CNTNAP2: variants seen among roughly 807,000 people sequenced by gnomAD.
CNTNAP2 encodes the protein contactin-associated protein-like 2.
A neutral mutation model predicts 155.2 loss-of-function variants in CNTNAP2; 98 were observed. The observed-to-expected ratio is 0.63, with a 90% CI of 0.54 to 0.75. The LOEUF (loss-of-function observed/expected upper bound fraction) is 0.75. CNTNAP2 is among the 30% of genes least tolerant of loss of function. CNTNAP2 has a pLI of 0.00. For synonymous variants in CNTNAP2, 651 were observed against 631.2 expected, an observed-to-expected ratio of 1.03 and a Z score of -0.47; for missense variants, 1,727 against 1,688.1, an observed-to-expected ratio of 1.02 and a Z score of -0.40.
rs60024582 is a variant in CNTNAP2 at position 146,846,937 on chromosome 7, G to A, written c.402+7033G>A. On this transcript the variant is annotated intron_variant, in intron 3 of 23. Coordinates refer to ENST00000361727, the MANE Select transcript of CNTNAP2 (RefSeq NM_014141.6). ...TTCTTCTAATGTTTAAAGTATCCAT[G>A]AAACAAGATTTGTTATCAATTATAC... 2.0e-3 allele frequency among the ~76,000 whole-genome samples: 289 copies of A among 145,394 alleles called. 2 individuals are homozygous for A. Among genetic ancestry groups the A allele is most frequent in the African/African-American group, 7.9e-3 (280 of 35,306 alleles).
intron 3 of CNTNAP2, among the ~76,000 whole-genome samples, chr7:146,955,898 G>A (rs938715263): frequency 5.3e-5 from 8 of 152,008 alleles, no homozygotes; most frequent in African/African-American, 1.2e-4. Flanking sequence ...ATTACTTACC[G>A]CAGTAAACGG....
chr7:146,898,519 A>G (rs567288919), intron 3 of CNTNAP2, among the ~76,000 whole-genome samples: 1 of 151,496 alleles, frequency 6.6e-6, no homozygotes, highest in Non-Finnish European at 1.5e-5. Flanking sequence ...AAAAAAAAAA[A>G]CTCTTCTTAC....
rs930855364 is a variant in CNTNAP2 at position 147,376,641 on chromosome 7, C to T, written c.1499-18968C>T. ...GTTCTCTGTGCTTCAGAGTGTTATTCTATGCTCAATAATTTCACGTGTATT... is the reference window on the plus strand; with the variant it reads ...GTTCTCTGTGCTTCAGAGTGTTATTTTATGCTCAATAATTTCACGTGTATT... On this transcript the variant is annotated intron_variant, in intron 9 of 23. Transcript: ENST00000361727. 5.9e-5 allele frequency among the ~76,000 whole-genome samples: 9 copies of T among 151,794 alleles called. 1 individual carries two copies. The highest frequency in any genetic ancestry group is 3.3e-4 in the Admixed American group (5 of 15,192).
chr7:147,347,441 C>A (rs1281353911), intron 9 of CNTNAP2, among the ~76,000 whole-genome samples: 2 of 56,558 alleles, frequency 3.5e-5, no homozygotes, highest in African/African-American at 4.7e-5. Flanking sequence ...TATATATATG[C>A]ATATATATAT....
chr7:147,304,911 A>G (rs1346486498), intron 9 of CNTNAP2, among the ~76,000 whole-genome samples: 2 of 152,206 alleles, frequency 1.3e-5, no homozygotes, highest in Non-Finnish European at 2.9e-5. Flanking sequence ...CTGAGGGCAC[A>G]TAATGAGAAG....
At chr7:147,101,721 T>C (rs375189963) in intron 4 of CNTNAP2, among the ~76,000 whole-genome samples, 1 of 152,112 alleles carries the variant, frequency 6.6e-6, no homozygotes, top group Non-Finnish European at 1.5e-5. Context: ...GCCATTCTCC[T>C]ATCTGACTGT....
rs879657342 is a variant in CNTNAP2, at chr7:147,108,128, A to G, written c.551-19A>G. The G allele has an allele frequency of 7.6e-7, 1 of 1,313,498 alleles. No individual in the cohort carries two copies. The highest frequency in any genetic ancestry group is 1.0e-6 in the Non-Finnish European group (1 of 956,758). The allele number at this position is 1,313,498 out of a possible 1,614,324, so 81.4% of individuals were successfully genotyped here. A position where few individuals can be genotyped will look rare whatever the true frequency, so the allele number is the denominator to read the frequency against. On this transcript the variant is annotated intron_variant, in intron 4 of 23. Transcript: ENST00000361727. ...ACATACATGGCTGAACTAATATGTT[A>G]TTTTTTTTTTTGTTTTAGGGGCTGA... is the stretch of plus-strand genomic sequence containing the variant.
At chr7:148,039,411 T>A (rs1371537989) in intron 15 of CNTNAP2, among the ~76,000 whole-genome samples, 1 of 152,082 alleles carries the variant, frequency 6.6e-6, no homozygotes, top group African/African-American at 2.4e-5. Context: ...AGTCCACCAA[T>A]TCACACCCCA....
intron 21 of CNTNAP2, among the ~76,000 whole-genome samples, chr7:148,361,609 G>A (rs1391210970): frequency 6.6e-6 from 1 of 152,168 alleles, no homozygotes; most frequent in Non-Finnish European, 1.5e-5. Flanking sequence ...CTCCCTGTGT[G>A]TGTGTCTGCG....
intron 8 of CNTNAP2, among the ~76,000 whole-genome samples, chr7:147,286,671 G>A (rs1235645037): frequency 6.6e-6 from 1 of 152,102 alleles, no homozygotes; most frequent in Non-Finnish European, 1.5e-5. Context: ...ATATGAATGA[G>A]TTTTTCTTGG....
chr7:147,072,183 G>C (rs142523177), intron 4 of CNTNAP2, among the ~76,000 whole-genome samples: 58 of 152,206 alleles, frequency 3.8e-4, no homozygotes, highest in African/African-American at 1.3e-3. Context: ...GTAAACAAAA[G>C]AGCATAAACA....
intron 14 of CNTNAP2, among the ~76,000 whole-genome samples, chr7:147,921,060 C>T (rs1050007705): frequency 2.0e-5 from 3 of 152,022 alleles, no homozygotes; most frequent in Admixed American, 6.6e-5. Context: ...CTGCCCACCT[C>T]GGCCTCCCAA....
intron 21 of CNTNAP2, among the ~76,000 whole-genome samples, chr7:148,301,306 A>AAATATATAT: frequency 1.7e-4 from 18 of 103,854 alleles, no homozygotes; most frequent in African/African-American, 6.0e-4. Context: ...AAAAAAAAAA[A>AAATATATAT]ATATATATAT....
intron 14 of CNTNAP2, among the ~76,000 whole-genome samples, chr7:147,919,764 T>G (rs1177078628): frequency 6.6e-6 from 1 of 151,354 alleles, no homozygotes; most frequent in Admixed American, 6.6e-5. Context: ...AGCCTACATT[T>G]TCTATTTTTT....
intron 15 of CNTNAP2, among the ~76,000 whole-genome samples, chr7:148,082,651 G>A (rs950301525): frequency 9.2e-5 from 14 of 152,014 alleles, no homozygotes; most frequent in Non-Finnish European, 8.8e-5. Context: ...ACCAAGGAAA[G>A]GCCATTGGAT....
At position 147,043,094 on chromosome 7, in the gene CNTNAP2, T is replaced by C. The variant is rs531594209; in HGVS notation, c.403-813T>C. ...ATTATAACTTTATACTGACATTTTC[T>C]TTTTCATTAGATGGTAATTTTTTGA... On this transcript the variant is annotated intron_variant, in intron 3 of 23. Coordinates refer to ENST00000361727, the MANE Select transcript of CNTNAP2 (RefSeq NM_014141.6). Among the ~76,000 whole-genome samples, 4 of 152,232 alleles carry C rather than the reference T, an allele frequency of 2.6e-5. No homozygotes were observed. In the East Asian group the frequency reaches 5.8e-4, roughly 22 times the overall value.
intron 1 of CNTNAP2, among the ~76,000 whole-genome samples, chr7:146,502,301 A>G (rs891445525): frequency 7.1e-6 from 1 of 140,020 alleles, no homozygotes; most frequent in Non-Finnish European, 1.5e-5. Flanking sequence ...GTGTACATTT[A>G]GGTTGATTCT....
At chr7:147,923,504 G>A (rs1330834666) in intron 14 of CNTNAP2, among the ~76,000 whole-genome samples, 2 of 152,014 alleles carry the variant, frequency 1.3e-5, no homozygotes, top group African/African-American at 2.4e-5. Context: ...CCTTCTCTCC[G>A]TTTAAATTTA....
At chr7:146,447,411 T>C (rs1324336375) in intron 1 of CNTNAP2, among the ~76,000 whole-genome samples, 1 of 152,076 alleles carries the variant, frequency 6.6e-6, no homozygotes, top group Non-Finnish European at 1.5e-5. Flanking sequence ...GTGACCCTTC[T>C]AAAGGCTATA....
Sources: gnomAD v4.1 joint callset for allele counts (sites outside exome capture counted in the v4.1 genomes callset) on GRCh38, gnomAD v4.1.1 for gene constraint, MANE v1.5 for transcripts, NCBI Gene and HGNC (gene_info 2026-07-23, HGNC 2026-07-21) for gene names.